Variants in MARCHF1 observed in about 807,000 individuals in gnomAD.
MARCHF1 encodes E3 ubiquitin-protein ligase MARCHF1.
A neutral mutation model predicts 54.2 loss-of-function variants in MARCHF1; 40 were observed. That is an observed-to-expected ratio of 0.74 (90% CI 0.57 to 0.96). The LOEUF (loss-of-function observed/expected upper bound fraction) is 0.96. Among genes scored for constraint, MARCHF1 ranks in the 40% least tolerant of loss-of-function variants. The probability of loss-of-function intolerance (pLI) is 0.00; values close to 1 mark genes in which losing one functional copy is unlikely to be tolerated. For synonymous variants in MARCHF1, 236 were observed against 236.3 expected (o/e 1.00, Z 0.01); for missense variants, 586 against 656.5 (o/e 0.89, Z 1.17).
intron 3 of MARCHF1, among the ~76,000 whole-genome samples, chr4:163,906,463 TA>T (rs979789683): frequency 2.7e-5 from 4 of 150,882 alleles, no homozygotes; most frequent in Non-Finnish European, 4.4e-5. Flanking sequence ...ACAATTCAAA[TA>T]TTTTTTTTTC....
chr4:163,836,224 TTTATTTA>T (rs960180702), intron 4 of MARCHF1, among the ~76,000 whole-genome samples: 1 of 134,078 alleles, frequency 7.5e-6, no homozygotes, highest in Non-Finnish European at 1.6e-5. Context: ...AATTTATTTA[TTTATTTA>T]TTTATTTATT....
At chr4:164,348,884 T>A (rs1730196888) in intron 1 of MARCHF1, among the ~76,000 whole-genome samples, 1 of 152,138 alleles carries the variant, frequency 6.6e-6, no homozygotes, top group African/African-American at 2.4e-5. Flanking sequence ...CCACAAAGAA[T>A]TAGCCAGATA....
intron 1 of MARCHF1, among the ~76,000 whole-genome samples, chr4:164,357,708 A>C (rs913795686): frequency 6.6e-6 from 1 of 152,214 alleles, no homozygotes; most frequent in Admixed American, 6.5e-5. Flanking sequence ...ATAATGATGA[A>C]GGCATTGTAA....
intron 5 of MARCHF1, among the ~76,000 whole-genome samples, chr4:163,627,262 G>A (rs1377696496): frequency 6.6e-6 from 1 of 152,102 alleles, no homozygotes; most frequent in Non-Finnish European, 1.5e-5. Flanking sequence ...GTATTTTACT[G>A]AAGTCAGTAT....
Position 163,756,629 on chromosome 4 carries a change from C to T in MARCHF1, c.112-55766G>A, listed in dbSNP as rs1304736014. Among the ~76,000 whole-genome samples the T allele has an allele frequency of 3.1e-4, 9 of 28,754 alleles. No homozygotes were observed. The Admixed American group carries it at 5.4e-3, about 17-fold the overall frequency. 18.9% of individuals were successfully genotyped at this position (28,754 alleles called of 152,430 possible). On this transcript the variant is annotated intron_variant, in intron 4 of 9. Transcript: ENST00000514618. ...CCTGGGCGACAGAGCGAGACTCTGT[C>T]TCAAAAAAAAAAAAAAAAAAAAAAA...
At chr4:163,872,039 C>G (rs2111219144) in intron 3 of MARCHF1, among the ~76,000 whole-genome samples, 1 of 152,264 alleles carries the variant, frequency 6.6e-6, no homozygotes, top group South Asian at 2.1e-4. Context: ...AAAATTAAAA[C>G]TACTAATACA....
chr4:163,875,297 G>A (rs1750265018), intron 3 of MARCHF1, among the ~76,000 whole-genome samples: 1 of 152,076 alleles, frequency 6.6e-6, no homozygotes. Flanking sequence ...TTCCCTGGGA[G>A]GTCCGTGATT....
At chr4:163,622,444 A>C (rs1741724048) in intron 5 of MARCHF1, among the ~76,000 whole-genome samples, 1 of 151,320 alleles carries the variant, frequency 6.6e-6, no homozygotes, top group Non-Finnish European at 1.5e-5. Flanking sequence ...GATCTTTTGA[A>C]AAAAAAAAAT....
intron 3 of MARCHF1, among the ~76,000 whole-genome samples, chr4:163,945,218 G>A (rs976855392): frequency 3.9e-5 from 6 of 151,956 alleles, no homozygotes; most frequent in Admixed American, 2.0e-4. Context: ...TGTAATCCTG[G>A]TTGTTGGCCA....
At chr4:164,311,345 T>A (rs1028925192) in intron 1 of MARCHF1, among the ~76,000 whole-genome samples, 3 of 152,110 alleles carry the variant, frequency 2.0e-5, no homozygotes, top group African/African-American at 7.2e-5. Flanking sequence ...GTTTTATGAG[T>A]TACCATGAAA....
chr4:163,693,767 T>C (rs1018598298), intron 5 of MARCHF1, among the ~76,000 whole-genome samples: 14 of 152,184 alleles, frequency 9.2e-5, no homozygotes, highest in African/African-American at 1.4e-4. Context: ...TGTTATATTG[T>C]CCAGTAGGCA....
At chr4:163,813,496 T>C (rs1298897483) in intron 4 of MARCHF1, among the ~76,000 whole-genome samples, 1 of 152,184 alleles carries the variant, frequency 6.6e-6, no homozygotes, top group Non-Finnish European at 1.5e-5. Flanking sequence ...ATTAGAATAT[T>C]ACACACATCT....
chr4:164,197,061 GCCATCTACCTCT>G (rs1560949062), intron 1 of MARCHF1: 1 of 1,604,888 alleles, frequency 6.2e-7, no homozygotes, highest in East Asian at 2.2e-5. Flanking sequence ...CATCTTCCTC[GCCATCTACCTCT>G]CCATCGTTAT....
chr4:163,679,842 C>T (rs1275243065), intron 5 of MARCHF1, among the ~76,000 whole-genome samples: 2 of 151,884 alleles, frequency 1.3e-5, no homozygotes. Flanking sequence ...CCTCGTGATC[C>T]GCCCGCCTCG....
chr4:164,271,168 G>T (rs1733737172), intron 1 of MARCHF1, among the ~76,000 whole-genome samples: 1 of 152,140 alleles, frequency 6.6e-6, no homozygotes. Context: ...GGCCCTCAAA[G>T]ATGCCCATGC....
At position 164,051,200 on chromosome 4, in the gene MARCHF1, G is replaced by C. The variant is rs1165858572; in HGVS notation, c.-248+60388C>G. Among the ~76,000 whole-genome samples the C allele has an allele frequency of 3.3e-5, 5 of 152,012 alleles. No individual in the cohort carries two copies. The East Asian group carries it at 9.7e-4, about 29-fold the overall frequency. On this transcript the variant is annotated intron_variant, in intron 2 of 9. Transcript: ENST00000514618. The stretch of plus-strand genomic sequence containing the variant: ...TATATATAATGATGCTCATCTCAAA[G>C]GTTTACAGAAAATATATGCAAATTT...
At chr4:164,117,040 T>C (rs532355453) in intron 1 of MARCHF1, among the ~76,000 whole-genome samples, 1 of 152,062 alleles carries the variant, frequency 6.6e-6, no homozygotes, top group African/African-American at 2.4e-5. Context: ...GGTAGATCAT[T>C]TGAGGTCAGG....
At position 164,072,528 on chromosome 4, in the gene MARCHF1, G is replaced by A. The variant is rs114936671; in HGVS notation, c.-248+39060C>T. On this transcript the variant is annotated intron_variant, in intron 2 of 9. Coordinates refer to ENST00000514618, the MANE Select transcript of MARCHF1 (RefSeq NM_001394959.1). ...GTGAGCCAGGATTATGCCACCACAC[G>A]CCAGCCTAGGCGACAGAGTGAGACT... 3.2e-3 allele frequency among the ~76,000 whole-genome samples: 493 copies of A among 151,974 alleles called. 3 individuals are homozygous for A. The highest frequency in any genetic ancestry group is 0.011 in the African/African-American group (458 of 41,456).
In MARCHF1 at chr4:163,552,214, G is replaced by A. The variant is rs192833865; in HGVS notation, c.1192-6471C>T. ...GTCTCTCCTGATAACAGTACAAGAA[G>A]GTCTTGTACTGCACCAAAGATTAGG... On this transcript the variant is annotated intron_variant, in intron 8 of 9. Coordinates refer to ENST00000514618, the MANE Select transcript of MARCHF1 (RefSeq NM_001394959.1). Among the ~76,000 whole-genome samples the A allele has an allele frequency of 3.6e-3, 547 of 152,302 alleles. 5 individuals are homozygous for A. The highest frequency in any genetic ancestry group is 0.01 in the Middle Eastern group (3 of 294).
Sources: gnomAD v4.1 joint callset for allele counts (sites outside exome capture counted in the v4.1 genomes callset) on GRCh38, gnomAD v4.1.1 for gene constraint, MANE v1.5 for transcripts, NCBI Gene and HGNC (gene_info 2026-07-23, HGNC 2026-07-21) for gene names.